Variants in ASIC2 observed in about 807,000 individuals in gnomAD.
The protein encoded by ASIC2 is acid sensing ion channel subunit 2, also known as acid-sensing ion channel 2.
ASIC2 carries 25 observed loss-of-function variants against 57.3 expected under a neutral mutation model. The observed-to-expected ratio is 0.44, with a 90% CI of 0.32 to 0.61. The LOEUF (loss-of-function observed/expected upper bound fraction) is 0.61. Ranked by LOEUF, ASIC2 falls within the 20% of genes least tolerant of loss-of-function variation. The pLI, the probability that ASIC2 is intolerant of heterozygous loss-of-function variation, is 0.06. For missense variants in ASIC2, 641 were observed against 738.1 expected, an observed-to-expected ratio of 0.87 and a Z score of 1.52; for synonymous variants, 319 against 307.5, an observed-to-expected ratio of 1.04 and a Z score of -0.39.
intron 1 of ASIC2, among the ~76,000 whole-genome samples, chr17:33,819,731 G>A (rs865922932): frequency 6.6e-6 from 1 of 152,168 alleles, no homozygotes; most frequent in Admixed American, 6.5e-5. Flanking sequence ...TTGAATCTGG[G>A]ACCTGCCACT....
At chr17:34,077,309 G>A (rs1355415913) in intron 1 of ASIC2, among the ~76,000 whole-genome samples, 6 of 152,142 alleles carry the variant, frequency 3.9e-5, no homozygotes, top group Admixed American at 6.5e-5. Context: ...CTCTGGCCCT[G>A]GGCTCCTCTC....
intron 3 of ASIC2, among the ~76,000 whole-genome samples, chr17:33,086,928 C>G (rs529932534): frequency 6.6e-6 from 1 of 152,134 alleles, no homozygotes; most frequent in African/African-American, 2.4e-5. Context: ...CTGCTCAAGC[C>G]CTTGCTGTTG....
intron 1 of ASIC2, among the ~76,000 whole-genome samples, chr17:33,253,220 C>A (rs1908946681): frequency 6.6e-6 from 1 of 152,148 alleles, no homozygotes; most frequent in Admixed American, 6.5e-5. Context: ...AAATGCAGGT[C>A]CACATAGTGT....
At chr17:33,709,636 G>C (rs1030956314) in intron 1 of ASIC2, among the ~76,000 whole-genome samples, 3 of 152,192 alleles carry the variant, frequency 2.0e-5, no homozygotes, top group Admixed American at 6.5e-5. Context: ...AGCTAGAACT[G>C]ACTAGGACAG....
intron 1 of ASIC2, among the ~76,000 whole-genome samples, chr17:33,262,271 A>T (rs1002648053): frequency 2.0e-5 from 3 of 151,802 alleles, no homozygotes; most frequent in African/African-American, 7.3e-5. Flanking sequence ...TTCTTTCTCT[A>T]ATTTTCCTAT....
At chr17:33,547,742 G>A (rs1915625372) in intron 1 of ASIC2, among the ~76,000 whole-genome samples, 1 of 152,142 alleles carries the variant, frequency 6.6e-6, no homozygotes, top group African/African-American at 2.4e-5. Context: ...GCCAGCTTCT[G>A]CCCATGCTAC....
chr17:33,694,433 ACTT>A (rs1207260546), intron 1 of ASIC2, among the ~76,000 whole-genome samples: 16 of 152,080 alleles, frequency 1.1e-4, no homozygotes, highest in Admixed American at 1.3e-4. Context: ...GTCAGGCTGA[ACTT>A]CTTGTGATTT....
At chr17:33,228,577 C>T (rs957461521) in intron 1 of ASIC2, among the ~76,000 whole-genome samples, 2 of 152,206 alleles carry the variant, frequency 1.3e-5, no homozygotes, top group African/African-American at 4.8e-5. Flanking sequence ...TGTGTAGCAC[C>T]CACCATCCCA....
At chr17:33,704,525 A>G (rs914230546) in intron 1 of ASIC2, among the ~76,000 whole-genome samples, 2 of 152,068 alleles carry the variant, frequency 1.3e-5, no homozygotes, top group Non-Finnish European at 2.9e-5. Context: ...TAACTTATAA[A>G]ATATATTTTT....
intron 1 of ASIC2, among the ~76,000 whole-genome samples, chr17:33,547,837 C>T (rs1915630139): frequency 6.6e-6 from 1 of 152,194 alleles, no homozygotes. Flanking sequence ...CCACCTCATA[C>T]CCAGTTCCTC....
intron 1 of ASIC2, among the ~76,000 whole-genome samples, chr17:33,847,228 C>T (rs7218999): frequency 0.019 from 2,877 of 151,758 alleles, 102 homozygotes; most frequent in African/African-American, 0.066. Context: ...CATTGCTGTG[C>T]GTTTTGGGAA....
chr17:33,101,456 T>A (rs576419863), intron 2 of ASIC2, among the ~76,000 whole-genome samples: 2 of 152,332 alleles, frequency 1.3e-5, no homozygotes, highest in Non-Finnish European at 2.9e-5. Context: ...GTCCTACTTC[T>A]CAGAAGCAAC....
intron 1 of ASIC2, among the ~76,000 whole-genome samples, chr17:33,665,144 G>T (rs1176539606): frequency 6.6e-6 from 1 of 152,182 alleles, no homozygotes; most frequent in South Asian, 2.1e-4. Flanking sequence ...TGAAGGCAGG[G>T]CTTAAGCATT....
At chr17:33,553,596 C>A (rs990137732) in intron 1 of ASIC2, among the ~76,000 whole-genome samples, 5 of 152,032 alleles carry the variant, frequency 3.3e-5, no homozygotes, top group African/African-American at 1.2e-4. Flanking sequence ...TCAGCCTCCC[C>A]AAGTAGCTGA....
intron 1 of ASIC2, among the ~76,000 whole-genome samples, chr17:33,256,796 C>T (rs1295193091): frequency 1.3e-5 from 2 of 152,252 alleles, no homozygotes; most frequent in South Asian, 2.1e-4. Flanking sequence ...TGTGCCACTG[C>T]ACTCCAGCCT....
intron 1 of ASIC2, among the ~76,000 whole-genome samples, chr17:33,361,517 G>A (rs1421828647): frequency 6.6e-6 from 1 of 152,182 alleles, no homozygotes; most frequent in African/African-American, 2.4e-5. Flanking sequence ...TGGAAGTCTG[G>A]TTTTTAAATG....
At chr17:33,239,677 C>T (rs1730560427) in intron 1 of ASIC2, among the ~76,000 whole-genome samples, 1 of 152,122 alleles carries the variant, frequency 6.6e-6, no homozygotes, top group Admixed American at 6.5e-5. Flanking sequence ...TCCCACCCTG[C>T]CCCCCACACA....
At chr17:33,595,928 A>G (rs1440471355) in intron 1 of ASIC2, among the ~76,000 whole-genome samples, 1 of 152,162 alleles carries the variant, frequency 6.6e-6, no homozygotes, top group Non-Finnish European at 1.5e-5. Flanking sequence ...CTTCTGTTGC[A>G]AGCTAAATAG....
chr17:33,856,496 T>TAGCA (rs1266437381), intron 1 of ASIC2, among the ~76,000 whole-genome samples: 125 of 16,460 alleles, frequency 7.6e-3, no homozygotes, highest in South Asian at 0.016. Flanking sequence ...GTAGTAATAG[T>TAGCA]GTTGTCAGTA....
Sources: allele counts gnomAD v4.1 joint callset (sites outside exome capture counted in the v4.1 genomes callset), GRCh38; gene constraint gnomAD v4.1.1; transcripts MANE v1.5; gene names NCBI Gene and HGNC (gene_info 2026-07-23, HGNC 2026-07-21).